Variants in PLS1 observed in about 807,000 individuals in gnomAD.
PLS1 encodes plastin 1.
A neutral mutation model predicts 73.7 loss-of-function variants in PLS1; 32 were observed. The observed-to-expected ratio is 0.43, with a 90% CI of 0.33 to 0.58. The LOEUF (loss-of-function observed/expected upper bound fraction) is 0.58, where lower values mean the gene tolerates loss of function less well. Among genes scored for constraint, PLS1 ranks in the 20% least tolerant of loss-of-function variants. The pLI is 0.04. For synonymous variants in PLS1, 217 were observed against 261.3 expected, an observed-to-expected ratio of 0.83 and a Z score of 1.63; for missense variants, 633 against 740.5, an observed-to-expected ratio of 0.85 and a Z score of 1.68.
chr3:142,631,936 T>C (rs1431777613), intron 1 of PLS1, among the ~76,000 whole-genome samples: 1 of 152,144 alleles, frequency 6.6e-6, no homozygotes, highest in African/African-American at 2.4e-5. Context: ...AAGGCAACCT[T>C]AGGTGTGGAA....
intron 11 of PLS1, 24 bp from the exon 12 acceptor site, chr3:142,697,929 A>T (rs2038244384): frequency 7.2e-7 from 1 of 1,387,320 alleles, no homozygotes; most frequent in Non-Finnish European, 1.0e-6. Context: ...CTCCTCCTTT[A>T]TCTGCTTTTC....
chr3:142,705,235 A>G (rs2038435002), intron 14 of PLS1, among the ~76,000 whole-genome samples: 1 of 152,216 alleles, frequency 6.6e-6, no homozygotes, highest in African/African-American at 2.4e-5. Flanking sequence ...GCCATTGTTT[A>G]TATAGGACCT....
At chr3:142,621,549 TA>T (rs2036314118) in intron 1 of PLS1, among the ~76,000 whole-genome samples, 1 of 152,226 alleles carries the variant, frequency 6.6e-6, no homozygotes, top group African/African-American at 2.4e-5. Flanking sequence ...TAATATTAAG[TA>T]AAACTATATA....
chr3:142,650,386 T>A (rs2037060799), intron 1 of PLS1, among the ~76,000 whole-genome samples: 1 of 151,998 alleles, frequency 6.6e-6, no homozygotes, highest in African/African-American at 2.4e-5. Flanking sequence ...GCCCGGCTAA[T>A]CTTTGTCTGG....
chr3:142,608,613 T>G (rs568770535), intron 1 of PLS1, among the ~76,000 whole-genome samples: 43 of 152,358 alleles, frequency 2.8e-4, no homozygotes, highest in Non-Finnish European at 4.9e-4. Flanking sequence ...TATACTCTGC[T>G]GCCTGCCAGA....
intron 1 of PLS1, among the ~76,000 whole-genome samples, chr3:142,620,679 G>A (rs2036298517): frequency 6.6e-6 from 1 of 152,140 alleles, no homozygotes; most frequent in South Asian, 2.1e-4. Context: ...GAGTACTTGT[G>A]ATGGTTCAAA....
intron 1 of PLS1, among the ~76,000 whole-genome samples, chr3:142,609,855 T>C (rs2036086791): frequency 6.6e-6 from 1 of 152,204 alleles, no homozygotes; most frequent in Admixed American, 6.5e-5. Context: ...GTGCTGATGA[T>C]CAAAGCTTGT....
chr3:142,704,602 A>T lies in PLS1; in HGVS notation c.1629+16A>T, dbSNP rs756749117. The T allele has an allele frequency of 2.7e-6, 4 of 1,482,274 alleles. No homozygotes were observed. Among genetic ancestry groups the T allele is most frequent in the Non-Finnish European group, 3.6e-6 (4 of 1,107,044 alleles). The allele number at this position is 1,482,274 out of a possible 1,614,324, so 91.8% of individuals were successfully genotyped here. On this transcript the variant is annotated intron_variant, in intron 14 of 15. Transcript: ENST00000457734. The stretch of plus-strand genomic sequence containing the variant: ...CAGCTTCAAGGTAATCAAGAGTCCT[A>T]AAAAAAATTTTTTTTTGTAGGTATA...
chr3:142,604,411 G>C (rs2035983158), intron 1 of PLS1, among the ~76,000 whole-genome samples: 1 of 152,076 alleles, frequency 6.6e-6, no homozygotes, highest in Non-Finnish European at 1.5e-5. Flanking sequence ...CTCTCCCCAG[G>C]TTTAAGATCA....
At chr3:142,616,932 C>T (rs955276922) in intron 1 of PLS1, among the ~76,000 whole-genome samples, 1 of 152,074 alleles carries the variant, frequency 6.6e-6, no homozygotes, top group Non-Finnish European at 1.5e-5. Context: ...CCTTCATATT[C>T]ATCTGGAGTT....
chr3:142,657,420 C>T (rs1196916910), intron 1 of PLS1, among the ~76,000 whole-genome samples: 1 of 152,216 alleles, frequency 6.6e-6, no homozygotes, highest in Non-Finnish European at 1.5e-5. Context: ...CAGATTCTAG[C>T]CTGGTTTTGC....
At chr3:142,669,242 A>T (rs1258515306) in intron 2 of PLS1, 148 bp from the exon 3 acceptor site, 2 of 521,058 alleles carry the variant, frequency 3.8e-6, no homozygotes, top group Non-Finnish European at 6.7e-6. Context: ...TATTCTGTAC[A>T]GTTCAGGTAC....
intron 6 of PLS1, among the ~76,000 whole-genome samples, chr3:142,678,769 G>T (rs2037778977): frequency 6.6e-6 from 1 of 151,362 alleles, no homozygotes; most frequent in East Asian, 1.9e-4. Context: ...ATGATTTATA[G>T]TCCTTTGGAT....
At chr3:142,640,700 G>T (rs2036811825) in intron 1 of PLS1, among the ~76,000 whole-genome samples, 1 of 152,148 alleles carries the variant, frequency 6.6e-6, no homozygotes, top group Non-Finnish European at 1.5e-5. Flanking sequence ...TTTGATTGCA[G>T]CATGTGGTAC....
Position 142,684,370 on chromosome 3 carries a change from T to C in PLS1, c.863T>C (p.Ile288Thr). The C allele has an allele frequency of 6.2e-7, 1 of 1,613,670 alleles. No homozygotes were observed. The highest frequency in any genetic ancestry group is 1.1e-5 in the South Asian group (1 of 91,056). Residue 288 changes from isoleucine to threonine, a missense_variant, in exon 8 of 16, where the codon ATC (isoleucine) becomes ACC (threonine). By Grantham distance (89) the Ile-to-Thr change is moderately conservative (BLOSUM62 -1). Transcript: ENST00000457734. Reference protein sequence around the residue: ...YHLTNAGWHTISNFSQDIKDS... With the variant: ...YHLTNAGWHTTSNFSQDIKDS... ...CTGACCAATGCAGGATGGCATACCA[T>C]CAGCAACTTCAGCCAAGACATTAAG...
At chr3:142,643,771 A>G (rs987291402) in intron 1 of PLS1, among the ~76,000 whole-genome samples, 19 of 151,980 alleles carry the variant, frequency 1.3e-4, no homozygotes, top group African/African-American at 3.6e-4. Context: ...CTTTAAAACT[A>G]TCAACAGCTA....
rs555675467 is a variant in PLS1, at chr3:142,690,219, G to A, written c.1177+406G>A. 2.2e-3 allele frequency among the ~76,000 whole-genome samples: 330 copies of A among 152,088 alleles called. 1 individual carries two copies. Among genetic ancestry groups the A allele is most frequent in the Non-Finnish European group, 3.6e-3 (246 of 67,966 alleles). On this transcript the variant is annotated intron_variant, in intron 10 of 15. Coordinates refer to ENST00000457734, the MANE Select transcript of PLS1 (RefSeq NM_001145319.2). ...TAGTGTACATGAAAAAAATTACAGT[G>A]TTCGTTATTTGTCTTTTGTGTGGTC...
In PLS1 at chr3:142,664,294, A is replaced by G. The variant is rs1389955730; in HGVS notation, c.57A>G (p.Ala19=). ...SREELEELQE[A]FNKIDIDNSG... ...AGGAGCTTGAAGAACTACAAGAGGC[A>G]TTTAATAAAATAGGTATGCTTGAGA... Residue 19 remains alanine (A), a synonymous_variant, in exon 2 of 16, where the codon GCA becomes GCG. Coordinates refer to ENST00000457734, the MANE Select transcript of PLS1 (RefSeq NM_001145319.2). 1 of 1,555,338 alleles carries G rather than the reference A, an allele frequency of 6.4e-7. No individual in the cohort carries two copies. Among genetic ancestry groups the G allele is most frequent in the South Asian group, 1.1e-5 (1 of 89,150 alleles).
At chr3:142,649,394 G>C (rs1275896361) in intron 1 of PLS1, among the ~76,000 whole-genome samples, 1 of 149,960 alleles carries the variant, frequency 6.7e-6, no homozygotes, top group African/African-American at 2.5e-5. Context: ...CCAGCACTTT[G>C]GGAGGCTGAG....
Sources: allele counts gnomAD v4.1 joint callset (sites outside exome capture counted in the v4.1 genomes callset), GRCh38; gene constraint gnomAD v4.1.1; transcripts MANE v1.5; gene names NCBI Gene and HGNC (gene_info 2026-07-23, HGNC 2026-07-21).